The following COG4 variants were observed in gnomAD, a reference collection of about 807,000 sequenced individuals.
The protein encoded by COG4 is conserved oligomeric Golgi complex subunit 4.
In COG4, 65 loss-of-function variants were observed where a neutral mutation model predicts 95.1. The observed-to-expected ratio is 0.68, with a 90% CI of 0.56 to 0.84. The LOEUF is 0.84. Ranked by LOEUF, COG4 falls within the 40% of genes least tolerant of loss-of-function variation. COG4 has a pLI of 0.00. For synonymous variants in COG4, 421 were observed against 374.8 expected, an observed-to-expected ratio of 1.12 and a Z score of -1.42; for missense variants, 1,045 against 989.1, an observed-to-expected ratio of 1.06 and a Z score of -0.76.
intron 8 of COG4, 144 bp from the exon 9 acceptor site, chr16:70,501,235 GC>G (rs2151752106): frequency 1.3e-6 from 1 of 796,288 alleles, no homozygotes; most frequent in African/African-American, 1.7e-5. Flanking sequence ...AGCTCTGCTG[GC>G]CCAATTAGAA....
chr16:70,486,124 T>C (rs2049129706), intron 13 of COG4, among the ~76,000 whole-genome samples: 1 of 150,688 alleles, frequency 6.6e-6, no homozygotes, highest in South Asian at 2.1e-4. Context: ...CTCGATCTCC[T>C]GACCTTGTGA....
At chr16:70,502,445 T>C (rs184742105) in intron 8 of COG4, among the ~76,000 whole-genome samples, 2 of 146,214 alleles carry the variant, frequency 1.4e-5, no homozygotes, top group East Asian at 2.1e-4. Flanking sequence ...CCACTAAAAA[T>C]ACAAAATTAG....
chr16:70,480,865 G>C lies in COG4; in HGVS notation c.*145C>G. The C allele has an allele frequency of 1.0e-6, 1 of 968,730 alleles. No homozygotes were observed. Among genetic ancestry groups the C allele is most frequent in the East Asian group, 2.4e-5 (1 of 41,422 alleles). The allele number at this position is 968,730 out of a possible 1,614,324, so 60.0% of individuals were successfully genotyped here. ...GAGGGCAGAGCATGGAGTGGGTCCA[G>C]ACTTTGTTTCTCTGCTGCCAGCCGT... On this transcript the variant is annotated 3_prime_UTR_variant, in exon 19 of 19. Coordinates refer to ENST00000323786, the MANE Select transcript of COG4 (RefSeq NM_015386.3).
rs1164765710 is a variant in COG4, at chr16:70,515,991, T to C, written c.370-1482A>G. 6.6e-6 allele frequency: 3 copies of C among 456,040 alleles called. No homozygotes were observed. In the Admixed American group the frequency reaches 7.0e-5, roughly 11 times the overall value. The allele number at this position is 456,040 out of a possible 1,614,324, so 28.2% of individuals were successfully genotyped here. On this transcript the variant is annotated intron_variant, in intron 3 of 18. Coordinates refer to ENST00000323786, the MANE Select transcript of COG4 (RefSeq NM_015386.3). ...GCCAGCTGTGGTTTTTCACAGATGC[T>C]CTTTATCAGGCTGAGAAGTTCCCCT...
intron 1 of COG4, 45 bp downstream of exon 1, chr16:70,523,328 C>T (rs373634263): frequency 6.2e-7 from 1 of 1,611,686 alleles, no homozygotes; most frequent in Non-Finnish European, 8.5e-7. Flanking sequence ...AAGGCTCCCA[C>T]TCTCCCTAGA....
chr16:70,486,906 A>C (rs974689828), intron 13 of COG4, among the ~76,000 whole-genome samples: 21 of 152,068 alleles, frequency 1.4e-4, no homozygotes, highest in Non-Finnish European at 1.8e-4. Flanking sequence ...GAGGCAGGAG[A>C]ATCGCTTGAA....
intron 1 of COG4, chr16:70,522,938 G>A (rs1207769233): frequency 5.0e-6 from 1 of 199,726 alleles, no homozygotes; most frequent in Non-Finnish European, 1.0e-5. Context: ...ACAAGAGGAA[G>A]TCTTAAAACG....
intron 7 of COG4, chr16:70,508,694 A>G (rs2049631882): frequency 1.5e-6 from 1 of 659,132 alleles, no homozygotes; most frequent in Admixed American, 2.1e-5. Context: ...AAGTCATGCT[A>G]ATGGTGTTCC....
chr16:70,501,439 C>T (rs1274502603), intron 8 of COG4: 4 of 291,744 alleles, frequency 1.4e-5, no homozygotes, highest in Admixed American at 9.1e-5. Context: ...CTGCAAGCTC[C>T]GCCTCCTGGG....
rs2049002160 is a variant in COG4 at position 70,481,853 on chromosome 16, G to A, written c.2017C>T (p.Pro673Ser). The A allele has an allele frequency of 5.6e-6, 9 of 1,613,492 alleles. No homozygotes were observed. Among genetic ancestry groups the A allele is most frequent in the African/African-American group, 4.0e-5 (3 of 74,916 alleles). Reference protein sequence around the residue: ...QMAEFKASLSPVIYDSLTGLM... With the variant: ...QMAEFKASLSSVIYDSLTGLM... ...CCGGTTAGGCTGTCGTAGATGACCG[G>A]GGACAGGCTGGCCTGCACACAGAGG... Residue 673 changes from proline to serine, a missense_variant, in exon 17 of 19, where the codon CCG becomes TCG. Coordinates refer to ENST00000323786, the MANE Select transcript of COG4 (RefSeq NM_015386.3).
At chr16:70,492,033 A>C (rs905537907) in intron 12 of COG4, among the ~76,000 whole-genome samples, 27 of 152,160 alleles carry the variant, frequency 1.8e-4, no homozygotes, top group African/African-American at 6.5e-4. Context: ...ATATAATGCC[A>C]GGAAGAATAA....
intron 12 of COG4, among the ~76,000 whole-genome samples, chr16:70,490,897 G>A (rs1037868862): frequency 6.6e-6 from 1 of 151,924 alleles, no homozygotes; most frequent in Admixed American, 6.6e-5. Context: ...CTGACCTCAT[G>A]ATCTGCCCAC....
At chr16:70,489,796 C>A (rs997269666) in intron 13 of COG4, among the ~76,000 whole-genome samples, 1 of 152,018 alleles carries the variant, frequency 6.6e-6, no homozygotes, top group African/African-American at 2.4e-5. Context: ...CAAGGTCACA[C>A]GCCAACTATG....
At position 70,512,263 on chromosome 16, in the gene COG4, C is replaced by T; in HGVS notation, c.714G>A (p.Lys238=). The change falls in exon 5 of 19, where the codon AAG becomes AAA. Residue 238 remains lysine (K), a synonymous_variant. Coordinates refer to ENST00000323786, the MANE Select transcript of COG4 (RefSeq NM_015386.3). ...LLGLHEEGLR[K]FSEYLCKQVA... ...CCTGCTTGCAAAGGTACTCCGAGAACTTTCTTAATCCCTCCTCATGCAAAC... is the reference window on the plus strand; with the variant it reads ...CCTGCTTGCAAAGGTACTCCGAGAATTTTCTTAATCCCTCCTCATGCAAAC... 2 of 1,614,194 alleles carry T rather than the reference C, an allele frequency of 1.2e-6. No individual in the cohort carries two copies. The highest frequency in any genetic ancestry group is 1.7e-6 in the Non-Finnish European group (2 of 1,180,028).
At chr16:70,490,080 A>G (rs1050197825) in intron 13 of COG4, among the ~76,000 whole-genome samples, 1 of 152,106 alleles carries the variant, frequency 6.6e-6, no homozygotes, top group African/African-American at 2.4e-5. Context: ...GGCCTCCGAA[A>G]GTGCTGGGAT....
At chr16:70,488,775 T>G (rs1411678609) in intron 13 of COG4, among the ~76,000 whole-genome samples, 1 of 150,388 alleles carries the variant, frequency 6.6e-6, no homozygotes, top group Non-Finnish European at 1.5e-5. Context: ...GGTCTCGAAT[T>G]CCTGACCTCA....
rs1423983775 is a variant in COG4, at chr16:70,481,683, G to GC, written c.2106+80dup. On this transcript the variant is annotated intron_variant, in intron 17 of 18. Transcript: ENST00000323786. ...CCTGTGGGCAGCAGACAGAGGGGATGCAAGTCCTGGGGGTGGTGGCATGAC... is the reference window on the plus strand; with the variant it reads ...CCTGTGGGCAGCAGACAGAGGGGATGCCAAGTCCTGGGGGTGGTGGCATGAC... 30 of 1,381,210 alleles carry GC rather than the reference G, an allele frequency of 2.2e-5. No individual in the cohort carries two copies. The African/African-American group carries it at 3.8e-4, about 18-fold the overall frequency. 85.6% of individuals were successfully genotyped at this position (1,381,210 alleles called of 1,614,324 possible).
chr16:70,493,165 C>A (rs529215628), intron 12 of COG4, among the ~76,000 whole-genome samples: 1 of 152,302 alleles, frequency 6.6e-6, no homozygotes, highest in Non-Finnish European at 1.5e-5. Flanking sequence ...AGCAGCCTCT[C>A]TCCAGCTCAC....
At chr16:70,487,648 T>C (rs1448818419) in intron 13 of COG4, among the ~76,000 whole-genome samples, 1 of 152,234 alleles carries the variant, frequency 6.6e-6, no homozygotes, top group Non-Finnish European at 1.5e-5. Flanking sequence ...TACTATGTTA[T>C]GTTGTACAAG....
Sources: allele counts gnomAD v4.1 joint callset (sites outside exome capture counted in the v4.1 genomes callset), GRCh38; gene constraint gnomAD v4.1.1; transcripts MANE v1.5; gene names NCBI Gene and HGNC (gene_info 2026-07-23, HGNC 2026-07-21).